MAOA: variants seen among roughly 807,000 people sequenced by gnomAD.
MAOA encodes monoamine oxidase A.
In MAOA, 6 loss-of-function variants were observed where a neutral mutation model predicts 42.0. That is an observed-to-expected ratio of 0.14 (90% CI 0.08 to 0.28). The LOEUF (loss-of-function observed/expected upper bound fraction) is 0.28, where lower values mean the gene tolerates loss of function less well. Ranked by LOEUF, MAOA falls within the 10% of genes least tolerant of loss-of-function variation. MAOA has a pLI of 1.00. For missense variants in MAOA, 262 were observed against 422.3 expected (o/e 0.62, Z 3.33); for synonymous variants, 140 against 154.0 (o/e 0.91, Z 0.67).
intron 5 of MAOA, among the ~76,000 whole-genome samples, chrX:43,717,568 A>G (rs1316867714): frequency 5.4e-5 from 6 of 110,189 alleles, no homozygotes; most frequent in Admixed American, 4.8e-4. Context: ...GACATTGTGG[A>G]TGGAGATATC....
Position 43,683,614 on chromosome X carries a change from G to A in MAOA, c.168+7G>A, listed in dbSNP as rs1363211221. 4 of 1,145,644 alleles carry A rather than the reference G, an allele frequency of 3.5e-6. No individual in the cohort carries two copies. Among genetic ancestry groups the A allele is most frequent in the Non-Finnish European group, 4.8e-6 (4 of 835,678 alleles). 94.4% of individuals were successfully genotyped at this position (1,145,644 alleles called of 1,213,427 possible). Reference sequence around the variant, plus strand: ...AAGAACATATACTATAAGGGTAAGTGATTTTAATACTTACATGTAATGTAA... The same window carrying A: ...AAGAACATATACTATAAGGGTAAGTAATTTTAATACTTACATGTAATGTAA... On this transcript the variant is annotated splice_region_variant and intron_variant, in intron 2 of 14. Transcript: ENST00000338702.
intron 2 of MAOA, among the ~76,000 whole-genome samples, chrX:43,685,504 G>T (rs749910762): frequency 8.9e-6 from 1 of 111,751 alleles, no homozygotes; most frequent in Non-Finnish European, 1.9e-5. Context: ...GACAACATTT[G>T]AATTAGGATT....
intron 2 of MAOA, among the ~76,000 whole-genome samples, chrX:43,686,239 C>T (rs776180636): frequency 4.3e-4 from 48 of 112,038 alleles, no homozygotes; most frequent in Non-Finnish European, 8.1e-4. Flanking sequence ...AGTCATGTTG[C>T]GGATTTTCAG....
intron 3 of MAOA, among the ~76,000 whole-genome samples, chrX:43,703,092 C>G (rs774896574): frequency 3.3e-4 from 37 of 111,789 alleles, no homozygotes; most frequent in African/African-American, 1.2e-3. Flanking sequence ...TGTTTAAATG[C>G]TGGGAAGATG....
chrX:43,665,810 TTAGATAGATAGATAGATAGA>T (rs35784967), intron 1 of MAOA, among the ~76,000 whole-genome samples: 2 of 98,350 alleles, frequency 2.0e-5, no homozygotes, highest in Non-Finnish European at 4.1e-5. Context: ...TAGGTATAGA[TTAGATAGATAGATAGATAGA>T]TAGATAGATA....
Position 43,746,794 on chromosome X carries a change from A to G in MAOA, c.*2281A>G, listed in dbSNP as rs954435787. 8.9e-6 allele frequency: 1 copy of G among 111,886 alleles called. No homozygotes were observed. The highest frequency in any genetic ancestry group is 3.3e-5 in the African/African-American group (1 of 30,714). The allele number at this position is 111,886 out of a possible 1,213,427, so 9.2% of individuals were successfully genotyped here. Reference sequence around the variant, plus strand: ...CCTGTATGGTACTGTTTTGTTTGTTAATAAAGTGCACTGCCACCCCCAATG... The same window carrying G: ...CCTGTATGGTACTGTTTTGTTTGTTGATAAAGTGCACTGCCACCCCCAATG... On this transcript the variant is annotated 3_prime_UTR_variant, in exon 15 of 15. Coordinates refer to ENST00000338702, the MANE Select transcript of MAOA (RefSeq NM_000240.4).
intron 8 of MAOA, among the ~76,000 whole-genome samples, chrX:43,732,487 G>T (rs895202918): frequency 9.0e-6 from 1 of 111,394 alleles, no homozygotes; most frequent in African/African-American, 3.3e-5. Flanking sequence ...TTTATGTAAA[G>T]GTGATGGAGA....
chrX:43,698,472 C>T, intron 3 of MAOA, among the ~76,000 whole-genome samples: 1 of 111,543 alleles, frequency 9.0e-6, no homozygotes, highest in Non-Finnish European at 1.9e-5. Context: ...GGATTCACAT[C>T]GATATGCTAA....
chrX:43,701,974 C>T (rs990524469), intron 3 of MAOA, among the ~76,000 whole-genome samples: 1 of 112,008 alleles, frequency 8.9e-6, no homozygotes, highest in Non-Finnish European at 1.9e-5. Context: ...CACATTACTC[C>T]AATCAAAAGA....
chrX:43,667,064 C>A (rs1405972324), intron 1 of MAOA, among the ~76,000 whole-genome samples: 1 of 109,716 alleles, frequency 9.1e-6, no homozygotes, highest in African/African-American at 3.3e-5. Flanking sequence ...GGGTGCAGCA[C>A]ACCAACCTGG....
Position 43,745,044 on chromosome X carries a change from G to A in MAOA, c.*531G>A, listed in dbSNP as rs945191184. Reference sequence around the variant, plus strand: ...GAAATAGTAAAGGAAAGCAGTGTTGGGGGTAGCGGCATGCAGACCCTCAGA... The same window carrying A: ...GAAATAGTAAAGGAAAGCAGTGTTGAGGGTAGCGGCATGCAGACCCTCAGA... On this transcript the variant is annotated 3_prime_UTR_variant, in exon 15 of 15. Coordinates refer to ENST00000338702, the MANE Select transcript of MAOA (RefSeq NM_000240.4). 4 of 138,944 alleles carry A rather than the reference G, an allele frequency of 2.9e-5. No individual in the cohort carries two copies. The highest frequency in any genetic ancestry group is 5.7e-5 in the Non-Finnish European group (4 of 69,939). The allele number at this position is 138,944 out of a possible 1,213,427, so 11.5% of individuals were successfully genotyped here.
intron 10 of MAOA, among the ~76,000 whole-genome samples, chrX:43,737,159 A>C (rs930538220): frequency 7.2e-5 from 8 of 111,086 alleles, no homozygotes; most frequent in African/African-American, 2.6e-4. Flanking sequence ...AGAAACTCCC[A>C]GTTTCAATTA....
intron 3 of MAOA, among the ~76,000 whole-genome samples, chrX:43,695,834 G>A (rs902000118): frequency 8.9e-6 from 1 of 112,473 alleles, no homozygotes; most frequent in Non-Finnish European, 1.9e-5. Context: ...GCTCCTCATT[G>A]TTCTTGATGG....
intron 2 of MAOA, among the ~76,000 whole-genome samples, chrX:43,686,748 G>A (rs1313431042): frequency 2.7e-5 from 3 of 111,603 alleles, no homozygotes; most frequent in Non-Finnish European, 3.8e-5. Context: ...GCGGTGAGCC[G>A]AGATTGCACC....
At chrX:43,700,374 T>C (rs2033613944) in intron 3 of MAOA, among the ~76,000 whole-genome samples, 1 of 112,255 alleles carries the variant, frequency 8.9e-6, no homozygotes, top group Non-Finnish European at 1.9e-5. Context: ...CCCAACAGGC[T>C]CTGAAGTTGT....
rs2147109198 is a variant in MAOA, at chrX:43,745,476, C to T, written c.*963C>T. 8.9e-6 allele frequency: 1 copy of T among 112,141 alleles called. No homozygotes were observed. Among genetic ancestry groups the T allele is most frequent in the African/African-American group, 3.2e-5 (1 of 30,898 alleles). The allele number at this position is 112,141 out of a possible 1,213,427, so 9.2% of individuals were successfully genotyped here. ...TGACCATAAAATTAGACATACCTCT[C>T]AACTTACATATGTCTTCAACATGGT... On this transcript the variant is annotated 3_prime_UTR_variant, in exon 15 of 15. Transcript: ENST00000338702.
chrX:43,666,198 AT>A (rs2033276437), intron 1 of MAOA, among the ~76,000 whole-genome samples: 1 of 112,011 alleles, frequency 8.9e-6, no homozygotes, highest in Admixed American at 9.5e-5. Flanking sequence ...GGATGCAAAG[AT>A]TTGTAACACA....
At chrX:43,657,398 C>T (rs1391531195) in intron 1 of MAOA, among the ~76,000 whole-genome samples, 1 of 107,685 alleles carries the variant, frequency 9.3e-6, no homozygotes, top group Non-Finnish European at 1.9e-5. Flanking sequence ...CTGTTGTATC[C>T]TCCTTCCTCC....
chrX:43,705,037 C>T (rs2033649377), intron 3 of MAOA, among the ~76,000 whole-genome samples: 1 of 111,843 alleles, frequency 8.9e-6, no homozygotes, highest in Non-Finnish European at 1.9e-5. Flanking sequence ...AATTGAACTA[C>T]GTTTTTAACA....
Sources: allele counts gnomAD v4.1 joint callset (sites outside exome capture counted in the v4.1 genomes callset), GRCh38; gene constraint gnomAD v4.1.1; transcripts MANE v1.5; gene names NCBI Gene and HGNC (gene_info 2026-07-23, HGNC 2026-07-21).